Variants in GLG1 observed in about 807,000 individuals in gnomAD.
The protein encoded by GLG1 is golgi glycoprotein 1, also known as Golgi apparatus protein 1.
Under a neutral mutation model 160.5 loss-of-function variants are expected in GLG1, and 38 were observed. That is an observed-to-expected ratio of 0.24 (90% CI 0.18 to 0.31). The LOEUF is 0.31. Among genes scored for constraint, GLG1 ranks in the 10% least tolerant of loss-of-function variants. GLG1 has a pLI of 1.00. For missense variants in GLG1, 1,373 were observed against 1,505.2 expected (o/e 0.91, Z 1.45); for synonymous variants, 644 against 543.4 (o/e 1.19, Z -2.57).
chr16:74,533,505 G>A (rs2017603779), intron 1 of GLG1, among the ~76,000 whole-genome samples: 1 of 152,172 alleles, frequency 6.6e-6, no homozygotes, highest in Non-Finnish European at 1.5e-5. Context: ...TCCTGGGTGA[G>A]TGCAGTGGCT....
intron 3 of GLG1, among the ~76,000 whole-genome samples, chr16:74,507,040 T>C (rs1056109816): frequency 3.3e-5 from 5 of 152,308 alleles, no homozygotes; most frequent in South Asian, 2.1e-4. Flanking sequence ...ACAGGTATTC[T>C]TGTGATGTTG....
At chr16:74,484,860 C>G (rs542459311) in intron 9 of GLG1, among the ~76,000 whole-genome samples, 1 of 152,172 alleles carries the variant, frequency 6.6e-6, no homozygotes, top group East Asian at 1.9e-4. Flanking sequence ...TCACGTGATC[C>G]GCCAGCCTCA....
At position 74,573,311 on chromosome 16, in the gene GLG1, T is replaced by C. The variant is rs1009704435; in HGVS notation, c.438+33346A>G. The stretch of plus-strand genomic sequence containing the variant: ...AAGAAGATACAGGGAGAAAAGAAAG[T>C]GCTAAATATCTGGGTAAATATATTT... On this transcript the variant is annotated intron_variant, in intron 1 of 25. Coordinates refer to ENST00000422840, the MANE Select transcript of GLG1 (RefSeq NM_001145667.2). Among the ~76,000 whole-genome samples the C allele has an allele frequency of 9.2e-5, 14 of 152,246 alleles. 2 individuals carry two copies.
intron 1 of GLG1, among the ~76,000 whole-genome samples, chr16:74,547,801 T>C (rs563691354): frequency 1.4e-4 from 22 of 152,378 alleles, no homozygotes; most frequent in Admixed American, 5.9e-4. Context: ...TCCACTTCCA[T>C]AGAGGGATCA....
At chr16:74,574,612 G>A (rs1039833569) in intron 1 of GLG1, among the ~76,000 whole-genome samples, 1 of 152,090 alleles carries the variant, frequency 6.6e-6, no homozygotes, top group Non-Finnish European at 1.5e-5. Context: ...GGTCAGTGCA[G>A]TGGCTCACGC....
Position 74,469,989 on chromosome 16 carries a change from T to C in GLG1, c.2314A>G (p.Lys772Glu). ...DVLKLCPNIK[K>E]KVDVVICLST... Reference sequence around the variant, plus strand: ...AAACAACTACAAGCTACATACTTCTTTTTTATGTTTGGGCAAAGCTTCAAC... The same window carrying C: ...AAACAACTACAAGCTACATACTTCTCTTTTATGTTTGGGCAAAGCTTCAAC... Residue 772 changes from lysine (K) to glutamate (E), a missense_variant, in exon 16 of 26, where the codon AAG (lysine) becomes GAG (glutamate). Physicochemically the swap from Lys to Glu is moderately conservative, Grantham distance 56. Transcript: ENST00000422840. The C allele has an allele frequency of 6.3e-7, 1 of 1,586,592 alleles. No individual in the cohort carries two copies.
At chr16:74,553,536 G>C (rs189443353) in intron 1 of GLG1, among the ~76,000 whole-genome samples, 5 of 134,982 alleles carry the variant, frequency 3.7e-5, no homozygotes, top group East Asian at 4.8e-4. Context: ...GCAGTGGCAC[G>C]ATCTCGGCTC....
At chr16:74,496,764 A>T (rs2016205306) in intron 4 of GLG1, 120 bp from the exon 5 acceptor site, 3 of 680,364 alleles carry the variant, frequency 4.4e-6, no homozygotes, top group Non-Finnish European at 7.8e-6. Context: ...ATAAAACCCC[A>T]TCATAGAGTT....
At chr16:74,502,724 T>G (rs1415351941) in intron 4 of GLG1, among the ~76,000 whole-genome samples, 2 of 988 alleles carry the variant, frequency 2.0e-3, no homozygotes, top group Non-Finnish European at 5.8e-3. Flanking sequence ...TGTTTTTGGT[T>G]TTTTTTTTTT....
intron 8 of GLG1, among the ~76,000 whole-genome samples, chr16:74,487,675 T>G (rs371616826): frequency 1.3e-5 from 2 of 152,148 alleles, no homozygotes; most frequent in African/African-American, 2.4e-5. Context: ...CTGAGAAAAG[T>G]TGGAAGCAAC....
intron 2 of GLG1, among the ~76,000 whole-genome samples, chr16:74,515,230 A>AT (rs2016942243): frequency 1.3e-5 from 2 of 151,802 alleles, no homozygotes; most frequent in African/African-American, 4.9e-5. Flanking sequence ...AATAATAGAC[A>AT]TATCAACGAG....
rs368628095 is a variant in GLG1, at chr16:74,567,980, CAGAT to C, written c.439-35831_439-35828del. On this transcript the variant is annotated intron_variant, in intron 1 of 25. Coordinates refer to ENST00000422840, the MANE Select transcript of GLG1 (RefSeq NM_001145667.2). The stretch of plus-strand genomic sequence containing the variant: ...TCCAGGTCGGGCCTCATTCCTGACA[CAGAT>C]AGAGCAAATGAGTCCACATAATCCA... Among the ~76,000 whole-genome samples, 25 of 152,326 alleles carry C rather than the reference CAGAT, an allele frequency of 1.6e-4. No individual in the cohort carries two copies. In the South Asian group the frequency reaches 2.9e-3, roughly 18 times the overall value.
At chr16:74,511,513 G>A (rs907850012) in intron 2 of GLG1, among the ~76,000 whole-genome samples, 9 of 150,860 alleles carry the variant, frequency 6.0e-5, no homozygotes, top group Middle Eastern at 3.2e-3. Context: ...TTAGCCAGGC[G>A]TGGTGGTGCA....
At chr16:74,511,989 G>C (rs1429299838) in intron 2 of GLG1, among the ~76,000 whole-genome samples, 1 of 151,716 alleles carries the variant, frequency 6.6e-6, no homozygotes, top group Non-Finnish European at 1.5e-5. Context: ...CCTCTCTAAA[G>C]TGTACAATTC....
At chr16:74,483,663 C>CT (rs898114669) in intron 9 of GLG1, among the ~76,000 whole-genome samples, 541 of 144,600 alleles carry the variant, frequency 3.7e-3, no homozygotes, top group East Asian at 0.022. Context: ...CTTTTCTTTT[C>CT]TTTTTTTTTT....
In GLG1 at chr16:74,451,871, T is replaced by A. The variant is rs896107983; in HGVS notation, c.*1296A>T. The A allele has an allele frequency of 1.0e-5, 6 of 573,994 alleles. No homozygotes were observed. In the African/African-American group the frequency reaches 1.1e-4, roughly 11 times the overall value. 35.6% of individuals were successfully genotyped at this position (573,994 alleles called of 1,614,324 possible). Reference sequence around the variant, plus strand: ...CTATAAAGCCCATATTCTGCAAAGGTTGATGAATCGCCAAAATACAACATT... The same window carrying A: ...CTATAAAGCCCATATTCTGCAAAGGATGATGAATCGCCAAAATACAACATT... On this transcript the variant is annotated 3_prime_UTR_variant, in exon 26 of 26. Transcript: ENST00000422840.
intron 2 of GLG1, among the ~76,000 whole-genome samples, chr16:74,531,241 T>C (rs1350046809): frequency 6.6e-6 from 1 of 152,164 alleles, no homozygotes; most frequent in East Asian, 1.9e-4. Context: ...CGGTCCCATC[T>C]ACCTTCTATA....
chr16:74,512,911 T>A (rs1179258197), intron 2 of GLG1, among the ~76,000 whole-genome samples: 3 of 152,060 alleles, frequency 2.0e-5, no homozygotes, highest in Non-Finnish European at 4.4e-5. Context: ...CTGGGCTTGA[T>A]CCTCAGGGAT....
At position 74,590,958 on chromosome 16, in the gene GLG1, A is replaced by T. The variant is rs563425054; in HGVS notation, c.438+15699T>A. ...AGGGCCTTTCTTGTTAAAAAAAAAAAAAATTAAAATATAAAAATATGAAAA... is the reference window on the plus strand; with the variant it reads ...AGGGCCTTTCTTGTTAAAAAAAAAATAAATTAAAATATAAAAATATGAAAA... On this transcript the variant is annotated intron_variant, in intron 1 of 25. Transcript: ENST00000422840. Among the ~76,000 whole-genome samples the T allele has an allele frequency of 2.8e-4, 43 of 151,914 alleles. 1 individual carries two copies. The South Asian group carries it at 6.4e-3, about 23-fold the overall frequency.
Sources: allele counts gnomAD v4.1 joint callset (sites outside exome capture counted in the v4.1 genomes callset), GRCh38; gene constraint gnomAD v4.1.1; transcripts MANE v1.5; gene names NCBI Gene and HGNC (gene_info 2026-07-23, HGNC 2026-07-21).